Variants in HEATR5B observed in about 807,000 individuals in gnomAD.
HEATR5B encodes HEAT repeat-containing protein 5B.
A neutral mutation model predicts 224.1 loss-of-function variants in HEATR5B; 156 were observed. The observed-to-expected ratio is 0.70, with a 90% CI of 0.61 to 0.80. The LOEUF (loss-of-function observed/expected upper bound fraction) is 0.80, where lower values mean the gene tolerates loss of function less well. Ranked by LOEUF, HEATR5B falls within the 30% of genes least tolerant of loss-of-function variation. HEATR5B has a pLI of 0.00. For missense variants in HEATR5B, 2,323 were observed against 2,535.5 expected (o/e 0.92, Z 1.80); for synonymous variants, 1,027 against 893.0 (o/e 1.15, Z -2.68).
At chr2:37,049,551 C>A in intron 18 of HEATR5B, 102 bp downstream of exon 18, 1 of 999,726 alleles carries the variant, frequency 1.0e-6, no homozygotes, top group South Asian at 1.5e-5. Flanking sequence ...AAAATATTAT[C>A]ACATGCTGTA....
At chr2:36,994,438 T>C (rs1377065748) in intron 33 of HEATR5B, among the ~76,000 whole-genome samples, 2 of 152,158 alleles carry the variant, frequency 1.3e-5, no homozygotes, top group African/African-American at 4.8e-5. Flanking sequence ...TAACAGGAAA[T>C]AGGATTTCCA....
At chr2:37,047,908 T>A (rs1453058441) in intron 18 of HEATR5B, among the ~76,000 whole-genome samples, 3 of 152,206 alleles carry the variant, frequency 2.0e-5, no homozygotes, top group Non-Finnish European at 2.9e-5. Flanking sequence ...GTACCATTAC[T>A]TTACATAGCA....
intron 3 of HEATR5B, among the ~76,000 whole-genome samples, chr2:37,078,230 A>C (rs976668680): frequency 1.1e-4 from 17 of 152,248 alleles, no homozygotes; most frequent in Admixed American, 2.6e-4. Flanking sequence ...GGTTAACTAA[A>C]TTTAGCTCAC....
chr2:37,059,022 A>C (rs1401327374), intron 12 of HEATR5B, 35 bp from the exon 13 acceptor site: 3 of 1,303,562 alleles, frequency 2.3e-6, no homozygotes, highest in Non-Finnish European at 3.3e-6. Flanking sequence ...GATTTGGAGT[A>C]GCTTTTGTGA....
intron 6 of HEATR5B, among the ~76,000 whole-genome samples, chr2:37,070,710 A>G (rs1160331369): frequency 6.6e-6 from 1 of 152,240 alleles, no homozygotes; most frequent in East Asian, 1.9e-4. Flanking sequence ...CTCAGTTCTC[A>G]TTCCCGCCTG....
At position 36,981,367 on chromosome 2, in the gene HEATR5B, T is replaced by G. The variant is rs1665570447; in HGVS notation, c.*123A>C. The G allele has an allele frequency of 9.4e-6, 6 of 636,630 alleles. No homozygotes were observed. The highest frequency in any genetic ancestry group is 1.5e-5 in the Non-Finnish European group (6 of 396,594). The allele number at this position is 636,630 out of a possible 1,614,324, so 39.4% of individuals were successfully genotyped here. ...TGAGCATTATTTCACTTAACCTACTTGGAAGCACTATAATACCAATATACA... is the reference window on the plus strand; with the variant it reads ...TGAGCATTATTTCACTTAACCTACTGGGAAGCACTATAATACCAATATACA... On this transcript the variant is annotated 3_prime_UTR_variant, in exon 36 of 36. Coordinates refer to ENST00000233099, the MANE Select transcript of HEATR5B (RefSeq NM_019024.3).
chr2:36,998,371 A>G (rs1666865677), intron 33 of HEATR5B, among the ~76,000 whole-genome samples: 1 of 152,248 alleles, frequency 6.6e-6, no homozygotes, highest in African/African-American at 2.4e-5. Context: ...TACCAAACAC[A>G]GCAAAATTAA....
chr2:36,990,819 G>A lies in HEATR5B; in HGVS notation c.5546-20C>T, dbSNP rs1159230616. The A allele has an allele frequency of 1.3e-6, 2 of 1,534,386 alleles. No homozygotes were observed. The highest frequency in any genetic ancestry group is 8.8e-7 in the Non-Finnish European group (1 of 1,138,236). On this transcript the variant is annotated intron_variant, in intron 33 of 35. Coordinates refer to ENST00000233099, the MANE Select transcript of HEATR5B (RefSeq NM_019024.3). Reference sequence around the variant, plus strand: ...AGTCTTCTGAAAATGAAAAATGAAAGAAGTGTGCTGTTTCTAAAACATTTT... The same window carrying A: ...AGTCTTCTGAAAATGAAAAATGAAAAAAGTGTGCTGTTTCTAAAACATTTT...
At position 37,080,239 on chromosome 2, in the gene HEATR5B, T is replaced by C. The variant is rs138970399; in HGVS notation, c.127-908A>G. ...TCTTGCACCCCACTATAGAACTCTG[T>C]ATGTCACTCTCAGTAAGAGAACTTT... On this transcript the variant is annotated intron_variant, in intron 2 of 35. Coordinates refer to ENST00000233099, the MANE Select transcript of HEATR5B (RefSeq NM_019024.3). Among the ~76,000 whole-genome samples the C allele has an allele frequency of 1.8e-3, 274 of 152,290 alleles. 2 individuals are homozygous for C. The highest frequency in any genetic ancestry group is 6.2e-3 in the African/African-American group (259 of 41,558).
chr2:37,039,321 C>G (rs960118682), intron 20 of HEATR5B, among the ~76,000 whole-genome samples: 16 of 152,024 alleles, frequency 1.1e-4, no homozygotes, highest in African/African-American at 3.9e-4. Flanking sequence ...AACAAATTAG[C>G]TGGGTGTAGT....
chr2:37,070,869 C>T (rs948877137), intron 6 of HEATR5B, among the ~76,000 whole-genome samples: 2 of 152,280 alleles, frequency 1.3e-5, no homozygotes, highest in East Asian at 3.9e-4. Context: ...GTAGCAAATG[C>T]AATCCTCACA....
chr2:37,044,185 C>T (rs1394850726), intron 18 of HEATR5B, among the ~76,000 whole-genome samples: 2 of 152,140 alleles, frequency 1.3e-5, no homozygotes, highest in African/African-American at 4.8e-5. Flanking sequence ...GCTCAATAGT[C>T]GTATGTGGGT....
At chr2:36,996,294 T>TG (rs1183121975) in intron 33 of HEATR5B, among the ~76,000 whole-genome samples, 1 of 151,670 alleles carries the variant, frequency 6.6e-6, no homozygotes, top group East Asian at 2.0e-4. Context: ...CTCCTGCCCT[T>TG]GTGATTTGCC....
At chr2:37,042,889 C>CAAA (rs373043531) in intron 18 of HEATR5B, among the ~76,000 whole-genome samples, 4 of 80,668 alleles carry the variant, frequency 5.0e-5, no homozygotes, top group Admixed American at 1.4e-4. Context: ...GACTCTGTCT[C>CAAA]AAAAAAAAAA....
intron 27 of HEATR5B, among the ~76,000 whole-genome samples, 176 bp from the exon 28 acceptor site, chr2:37,009,024 C>T (rs960113863): frequency 6.6e-6 from 1 of 151,868 alleles, no homozygotes; most frequent in African/African-American, 2.4e-5. Flanking sequence ...CTTTGGGAGG[C>T]CAAGGCGGGT....
intron 18 of HEATR5B, among the ~76,000 whole-genome samples, chr2:37,048,237 A>C (rs559825059): frequency 2.0e-5 from 3 of 151,100 alleles, no homozygotes; most frequent in Non-Finnish European, 4.4e-5. Context: ...CAAGCTGGAC[A>C]GTAATGGCAT....
At chr2:37,000,196 G>A (rs1666999446) in intron 33 of HEATR5B, among the ~76,000 whole-genome samples, 1 of 151,810 alleles carries the variant, frequency 6.6e-6, no homozygotes, top group Non-Finnish European at 1.5e-5. Flanking sequence ...TCCTGCCTCA[G>A]CCTCCCAAGT....
intron 33 of HEATR5B, among the ~76,000 whole-genome samples, chr2:36,995,483 T>C (rs1572753835): frequency 6.6e-6 from 1 of 152,198 alleles, no homozygotes. Flanking sequence ...ATACCAGCTC[T>C]TGATAAAGCT....
rs919025018 is a variant in HEATR5B at position 36,982,323 on chromosome 2, A to G, written c.5912-529T>C. The stretch of plus-strand genomic sequence containing the variant: ...AGGGAATACATAAGCTTAGGGTTAA[A>G]AAAACAAGAACCTATGTCCGACTGA... On this transcript the variant is annotated intron_variant, in intron 35 of 35. Coordinates refer to ENST00000233099, the MANE Select transcript of HEATR5B (RefSeq NM_019024.3). Among the ~76,000 whole-genome samples the G allele has an allele frequency of 1.1e-4, 16 of 151,516 alleles. No individual in the cohort carries two copies. The East Asian group carries it at 2.3e-3, about 22-fold the overall frequency.
Sources: gnomAD v4.1 joint callset for allele counts (sites outside exome capture counted in the v4.1 genomes callset) on GRCh38, gnomAD v4.1.1 for gene constraint, MANE v1.5 for transcripts, NCBI Gene and HGNC (gene_info 2026-07-23, HGNC 2026-07-21) for gene names.